The following GPHN variants were observed in gnomAD, a reference collection of about 807,000 sequenced individuals.
GPHN encodes the protein gephyrin.
Under a neutral mutation model 95.5 loss-of-function variants are expected in GPHN, and 17 were observed. That is an observed-to-expected ratio of 0.18 (90% CI 0.12 to 0.27). GPHN has a LOEUF of 0.27. Among genes scored for constraint, GPHN ranks in the 10% least tolerant of loss-of-function variants. The pLI is 1.00. For missense variants in GPHN, 660 were observed against 978.1 expected, an observed-to-expected ratio of 0.67 and a Z score of 4.34; for synonymous variants, 320 against 322.5, an observed-to-expected ratio of 0.99 and a Z score of 0.08.
intron 2 of GPHN, among the ~76,000 whole-genome samples, chr14:66,768,437 G>A (rs1358887659): frequency 6.6e-6 from 1 of 151,848 alleles, no homozygotes; most frequent in Non-Finnish European, 1.5e-5. Flanking sequence ...TAAACACTAG[G>A]CCAAGTTTTG....
At chr14:67,590,531 G>T in the GPHN span, among the ~76,000 whole-genome samples, 1 of 152,246 alleles carries the variant, frequency 6.6e-6, no homozygotes, top group East Asian at 1.9e-4. Flanking sequence ...ACTAATTTTT[G>T]TATTTTTAGT....
intron 11 of GPHN, among the ~76,000 whole-genome samples, chr14:67,061,859 T>G (rs537336758): frequency 6.6e-6 from 1 of 152,146 alleles, no homozygotes; most frequent in Non-Finnish European, 1.5e-5. Context: ...CTTACTTCTC[T>G]ACATATTAAC....
the GPHN span, among the ~76,000 whole-genome samples, chr14:67,290,806 G>T: frequency 6.6e-6 from 1 of 152,062 alleles, no homozygotes; most frequent in African/African-American, 2.4e-5. Context: ...AAGTGCTGGG[G>T]TTACAGACCT....
chr14:67,574,224 A>G, the GPHN span: 3 of 1,574,082 alleles, frequency 1.9e-6, no homozygotes, highest in East Asian at 4.5e-5. The surrounding 1 kb of genome is among the most constrained non-coding windows in gnomAD (Gnocchi z 4.2). Flanking sequence ...CCCCACCCCC[A>G]TATCTCGCCC....
At chr14:66,654,160 G>GT (rs1566767512) in intron 1 of GPHN, among the ~76,000 whole-genome samples, 1 of 151,846 alleles carries the variant, frequency 6.6e-6, no homozygotes, top group East Asian at 1.9e-4. Flanking sequence ...GTTTGTTTTT[G>GT]TTTTTTTGAG....
At chr14:66,955,265 T>G (rs1025822713) in intron 8 of GPHN, among the ~76,000 whole-genome samples, 4 of 152,226 alleles carry the variant, frequency 2.6e-5, no homozygotes, top group Admixed American at 2.6e-4. Flanking sequence ...AGTATTTTTA[T>G]GTACTGATTC....
chr14:67,402,984 G>A, the GPHN span, among the ~76,000 whole-genome samples: 1 of 152,020 alleles, frequency 6.6e-6, no homozygotes, highest in Non-Finnish European at 1.5e-5. Flanking sequence ...ATATTTTTTT[G>A]AGGAGCCTCT....
At chr14:67,154,328 A>C (rs1002134877) in intron 18 of GPHN, among the ~76,000 whole-genome samples, 1 of 152,000 alleles carries the variant, frequency 6.6e-6, no homozygotes, top group South Asian at 2.1e-4. Context: ...TATTCCCCAC[A>C]CCCTCATCAT....
chr14:66,818,192 C>G (rs949293158), intron 3 of GPHN, among the ~76,000 whole-genome samples: 31 of 152,018 alleles, frequency 2.0e-4, no homozygotes, highest in Middle Eastern at 3.4e-3. Flanking sequence ...GTTGGTTGTA[C>G]AGATTATTTC....
chr14:67,114,818 CCA>C (rs1454266373), intron 16 of GPHN, among the ~76,000 whole-genome samples: 2 of 152,180 alleles, frequency 1.3e-5, no homozygotes, highest in Non-Finnish European at 2.9e-5. Context: ...TCTCAATTAT[CCA>C]CAGAGTATAT....
chr14:67,703,308 C>T, the GPHN span, among the ~76,000 whole-genome samples: 4 of 152,112 alleles, frequency 2.6e-5, no homozygotes, highest in African/African-American at 7.2e-5. Context: ...TAAGGTAGTT[C>T]GATGGCAGTT....
At chr14:67,279,141 A>G in the GPHN span, 5 of 1,508,838 alleles carry the variant, frequency 3.3e-6, no homozygotes, top group Non-Finnish European at 4.4e-6. Flanking sequence ...ATTGATTTAT[A>G]AAAAGTGGTA....
intron 5 of GPHN, among the ~76,000 whole-genome samples, chr14:66,913,378 G>C (rs1442390903): frequency 6.6e-6 from 1 of 151,952 alleles, no homozygotes; most frequent in Non-Finnish European, 1.5e-5. Context: ...TCTTACTACT[G>C]TCACCCAGGC....
chr14:67,022,963 T>C (rs1412790071), intron 9 of GPHN, among the ~76,000 whole-genome samples: 3 of 151,560 alleles, frequency 2.0e-5, no homozygotes, highest in African/African-American at 7.3e-5. Flanking sequence ...CATAAGGGTT[T>C]CTGATTGATA....
At chr14:66,527,150 C>T (rs1360467157) in intron 1 of GPHN, among the ~76,000 whole-genome samples, 2 of 152,088 alleles carry the variant, frequency 1.3e-5, no homozygotes, top group African/African-American at 4.8e-5. Flanking sequence ...AATTTCAGAA[C>T]TTGTTACTGG....
At chr14:66,879,916 T>C (rs1374769872) in intron 4 of GPHN, 23 bp from the exon 5 acceptor site, 3 of 1,475,758 alleles carry the variant, frequency 2.0e-6, no homozygotes, top group Non-Finnish European at 2.8e-6. Context: ...TCACTCAGTC[T>C]GCTATTTAAT....
rs561715639 is a variant in GPHN, at chr14:66,930,493, A to G, written c.828+6201A>G. ...TAAACATTTTATTTTTTCTATCTAT[A>G]TTTTATAATAGTATGTCTCAAAAAG... On this transcript the variant is annotated intron_variant, in intron 8 of 22. Coordinates refer to ENST00000478722, the MANE Select transcript of GPHN (RefSeq NM_020806.5). Among the ~76,000 whole-genome samples the G allele has an allele frequency of 2.7e-4, 38 of 143,322 alleles. No homozygotes were observed. The East Asian group carries it at 7.4e-3, about 28-fold the overall frequency. The allele number at this position is 143,322 out of a possible 152,430, so 94.0% of individuals were successfully genotyped here.
At chr14:66,718,070 G>A (rs978761985) in intron 2 of GPHN, among the ~76,000 whole-genome samples, 22 of 152,146 alleles carry the variant, frequency 1.4e-4, no homozygotes, top group African/African-American at 4.8e-4. Context: ...TAGAATGCCC[G>A]AGTGTACACC....
intron 1 of GPHN, among the ~76,000 whole-genome samples, chr14:66,594,421 A>G (rs1302152316): frequency 6.6e-6 from 1 of 152,234 alleles, no homozygotes; most frequent in Non-Finnish European, 1.5e-5. Context: ...AAAATCTACT[A>G]CAAAGCTGTG....
Sources: gnomAD v4.1 joint callset for allele counts (sites outside exome capture counted in the v4.1 genomes callset) on GRCh38, gnomAD v4.1.1 for gene constraint, Gnocchi (gnomAD v3.1) non-coding constraint, MANE v1.5 for transcripts, NCBI Gene and HGNC (gene_info 2026-07-23, HGNC 2026-07-21) for gene names.